The following PRKCB variants were observed in gnomAD, a reference collection of about 807,000 sequenced individuals.
PRKCB encodes protein kinase C beta type.
PRKCB carries 13 observed loss-of-function variants against 81.5 expected under a neutral mutation model. That is an observed-to-expected ratio of 0.16 (90% CI 0.10 to 0.25). The LOEUF is 0.25. PRKCB is among the 10% of genes least tolerant of loss of function. The pLI, the probability that PRKCB is intolerant of heterozygous loss-of-function variation, is 1.00. For synonymous variants in PRKCB, 335 were observed against 321.4 expected (o/e 1.04, Z -0.45); for missense variants, 509 against 875.7 (o/e 0.58, Z 5.29).
At chr16:24,196,330 G>A (rs1967877905) in intron 16 of PRKCB, among the ~76,000 whole-genome samples, 2 of 152,208 alleles carry the variant, frequency 1.3e-5, no homozygotes, top group South Asian at 2.1e-4. Context: ...TTTTTCTTAT[G>A]TACAGCAGGG....
intron 16 of PRKCB, among the ~76,000 whole-genome samples, chr16:24,193,461 AAATAAATAAAT>A (rs773566116): frequency 7.0e-5 from 7 of 99,294 alleles, no homozygotes; most frequent in African/African-American, 9.2e-5. Flanking sequence ...ATAAATAAAT[AAATAAATAAAT>A]AAATAAATAA....
At chr16:23,896,787 A>G (rs921680601) in intron 2 of PRKCB, among the ~76,000 whole-genome samples, 6 of 152,358 alleles carry the variant, frequency 3.9e-5, no homozygotes, top group Middle Eastern at 3.4e-3. Context: ...AAAGGAATGC[A>G]CACAAGTGAA....
chr16:24,195,760 C>T (rs771924240), intron 16 of PRKCB, among the ~76,000 whole-genome samples: 28 of 152,144 alleles, frequency 1.8e-4, no homozygotes, highest in Non-Finnish European at 3.2e-4. Flanking sequence ...GCCCCAGTCT[C>T]GTATCTATTG....
chr16:23,863,242 AT>A (rs1567293512), intron 2 of PRKCB, among the ~76,000 whole-genome samples: 1 of 60,648 alleles, frequency 1.6e-5, no homozygotes, highest in South Asian at 5.2e-4. Flanking sequence ...ATATATATAC[AT>A]ATATATACAC....
intron 2 of PRKCB, among the ~76,000 whole-genome samples, chr16:23,934,320 T>G (rs1332726112): frequency 1.9e-3 from 12 of 6,436 alleles, no homozygotes; most frequent in African/African-American, 7.1e-3. Flanking sequence ...AAAAAGCTGT[T>G]TTTTTTTTTT....
In PRKCB at chr16:23,836,300, G is replaced by A; in HGVS notation, c.125G>A (p.Arg42His). Reference protein sequence around the residue: ...HEVKNHKFTARFFKQPTFCSH... With the variant: ...HEVKNHKFTAHFFKQPTFCSH... ...GTCAAGAACCACAAATTCACCGCCC[G>A]CTTCTTCAAGCAGCCCACCTTCTGC... The change falls in exon 1 of 17, where the codon CGC (arginine) becomes CAC (histidine). Residue 42 changes from arginine to histidine, a missense_variant. By Grantham distance (29) the Arg-to-His change is conservative (BLOSUM62 0). This residue lies in a region of PRKCB where 184 missense variants were observed against 362.9 expected (regional missense o/e 0.51). Transcript: ENST00000643927. 1 of 1,605,008 alleles carries A rather than the reference G, an allele frequency of 6.2e-7. No homozygotes were observed. Among genetic ancestry groups the A allele is most frequent in the Non-Finnish European group, 8.5e-7 (1 of 1,176,062 alleles).
At chr16:24,124,048 G>A (rs1043195237) in intron 9 of PRKCB, 67 bp downstream of exon 9, 1 of 1,583,830 alleles carries the variant, frequency 6.3e-7, no homozygotes, top group Non-Finnish European at 8.6e-7. Flanking sequence ...CACATTTGCT[G>A]TTCCTATGGG....
chr16:23,875,781 G>GTATATCACACATATATGCA, intron 2 of PRKCB, among the ~76,000 whole-genome samples: 1 of 53,142 alleles, frequency 1.9e-5, no homozygotes, highest in South Asian at 5.7e-4. Flanking sequence ...ACATATATGT[G>GTATATCACACATATATGCA]TGTATATCAC....
chr16:24,117,449 G>T (rs572321180), intron 8 of PRKCB, among the ~76,000 whole-genome samples: 40 of 152,316 alleles, frequency 2.6e-4, no homozygotes, highest in African/African-American at 9.6e-4. Context: ...GTATAACAAA[G>T]TGCTTACTGT....
chr16:24,033,085 G>A (rs1965569178), intron 4 of PRKCB, among the ~76,000 whole-genome samples: 2 of 152,184 alleles, frequency 1.3e-5, no homozygotes, highest in South Asian at 4.1e-4. Flanking sequence ...TGGCCTGTGG[G>A]GCAGGGGAGC....
chr16:24,218,311 C>T lies in PRKCB; in HGVS notation c.*3495C>T. 1 of 985,282 alleles carries T rather than the reference C, an allele frequency of 1.0e-6. No individual in the cohort carries two copies. The highest frequency in any genetic ancestry group is 1.2e-6 in the Non-Finnish European group (1 of 829,924). 61.0% of individuals were successfully genotyped at this position (985,282 alleles called of 1,614,324 possible). On this transcript the variant is annotated 3_prime_UTR_variant, in exon 17 of 17. Coordinates refer to ENST00000643927, the MANE Select transcript of PRKCB (RefSeq NM_002738.7). ...AGGCATTCGAGCTTTGTTGTGAACA[C>T]CGGAAGTAACATGCCGAGCGCCTGG... is the stretch of plus-strand genomic sequence containing the variant.
chr16:24,088,119 A>G (rs1567369815), intron 5 of PRKCB, among the ~76,000 whole-genome samples: 1 of 152,200 alleles, frequency 6.6e-6, no homozygotes, highest in Non-Finnish European at 1.5e-5. Flanking sequence ...CGCGATACAT[A>G]TGCGGCTCTC....
intron 2 of PRKCB, among the ~76,000 whole-genome samples, chr16:23,870,787 C>G (rs1962890028): frequency 6.6e-6 from 1 of 152,202 alleles, no homozygotes. Context: ...TTTGCTTCTT[C>G]TTTATAACAA....
intron 2 of PRKCB, among the ~76,000 whole-genome samples, chr16:23,975,530 C>T (rs1480902149): frequency 1.3e-5 from 2 of 152,172 alleles, no homozygotes; most frequent in Non-Finnish European, 2.9e-5. Context: ...GCACAGTAGA[C>T]CTGTCAAACC....
intron 2 of PRKCB, among the ~76,000 whole-genome samples, chr16:23,886,406 G>GTTTTTTTTTTTTTTTTTTT (rs398029038): frequency 2.8e-5 from 2 of 70,202 alleles, no homozygotes; most frequent in African/African-American, 1.3e-4. Context: ...TGTGTTAGGT[G>GTTTTTTTTTTTTTTTTTTT]TTTTTTTTTT....
intron 10 of PRKCB, among the ~76,000 whole-genome samples, chr16:24,155,611 T>G (rs1276646880): frequency 6.6e-6 from 1 of 152,206 alleles, no homozygotes; most frequent in Non-Finnish European, 1.5e-5. Flanking sequence ...TTTTGGGGAC[T>G]TTTCAAGATT....
chr16:24,031,924 A>G (rs777439481), intron 3 of PRKCB: 27 of 433,736 alleles, frequency 6.2e-5, no homozygotes, highest in Non-Finnish European at 1.0e-4. Context: ...TGCAAAGGGA[A>G]CAATCATCTG....
chr16:24,093,765 A>G (rs920313025), intron 6 of PRKCB, among the ~76,000 whole-genome samples: 3 of 152,024 alleles, frequency 2.0e-5, no homozygotes, highest in African/African-American at 7.2e-5. Flanking sequence ...TTTCCCCAGG[A>G]TTTTTCTCCA....
intron 5 of PRKCB, among the ~76,000 whole-genome samples, chr16:24,039,678 A>G (rs1443771306): frequency 1.3e-5 from 2 of 152,190 alleles, no homozygotes; most frequent in Non-Finnish European, 2.9e-5. Context: ...TGTGCAGTTG[A>G]GGACAGTTAT....
Sources: gnomAD v4.1 joint callset for allele counts (sites outside exome capture counted in the v4.1 genomes callset) on GRCh38, gnomAD v4.1.1 for gene constraint, gnomAD v4.1.1 regional missense constraint, MANE v1.5 for transcripts, NCBI Gene and HGNC (gene_info 2026-07-23, HGNC 2026-07-21) for gene names.